The following NCOA1 variants were observed in gnomAD, a reference collection of about 807,000 sequenced individuals.
NCOA1 encodes nuclear receptor coactivator 1.
NCOA1 carries 35 observed loss-of-function variants against 150.9 expected under a neutral mutation model. The ratio of observed to expected loss-of-function variants is 0.23; its 90% CI spans 0.18 to 0.31. NCOA1 has a LOEUF of 0.31. Ranked by LOEUF, NCOA1 falls within the 10% of genes least tolerant of loss-of-function variation. The pLI is 1.00. For missense variants in NCOA1, 1,491 were observed against 1,749.3 expected (o/e 0.85, Z 2.63); for synonymous variants, 590 against 630.0 (o/e 0.94, Z 0.95).
intron 4 of NCOA1, among the ~76,000 whole-genome samples, chr2:24,654,582 T>C (rs1191021130): frequency 1.3e-5 from 2 of 152,164 alleles, no homozygotes; most frequent in Admixed American, 6.6e-5. Flanking sequence ...ATGAGAAAGA[T>C]TGTACTTACT....
At chr2:24,537,209 T>C (rs987680554) in intron 1 of NCOA1, among the ~76,000 whole-genome samples, 5 of 150,570 alleles carry the variant, frequency 3.3e-5, no homozygotes, top group African/African-American at 9.8e-5. Context: ...TGTCCACTTA[T>C]GGACAAATCA....
Position 24,705,142 on chromosome 2 carries a change from A to G in NCOA1, c.1006A>G (p.Thr336Ala), listed in dbSNP as rs750617175. The part of the protein sequence containing the change: ...PSYRFILNDG[T>A]MLSAHTKCKL... Reference sequence around the variant, plus strand: ...CTATAGATTCATATTGAATGATGGGACAATGCTTAGCGCCCACACCAAGTG... The same window carrying G: ...CTATAGATTCATATTGAATGATGGGGCAATGCTTAGCGCCCACACCAAGTG... Residue 336 changes from threonine to alanine, a missense_variant, in exon 12 of 23, where the codon ACA becomes GCA. By Grantham distance (58) the Thr-to-Ala change is moderately conservative. Transcript: ENST00000348332. 1 of 1,614,148 alleles carries G rather than the reference A, an allele frequency of 6.2e-7. No individual in the cohort carries two copies. Among genetic ancestry groups the G allele is most frequent in the Admixed American group, 1.7e-5 (1 of 60,024 alleles).
At chr2:24,533,548 G>C (rs1664989621) in intron 1 of NCOA1, among the ~76,000 whole-genome samples, 3 of 152,168 alleles carry the variant, frequency 2.0e-5, no homozygotes, top group Admixed American at 6.5e-5. Flanking sequence ...AATGCTTCCA[G>C]TTTTTGCCCA....
At position 24,665,922 on chromosome 2, in the gene NCOA1, A is replaced by C; in HGVS notation, c.256+7A>C. ...ATGAAGAGAATGGAACAAGGTAAAAAAGAAAAAGAAAACCCATGGCTGTGT... is the reference window on the plus strand; with the variant it reads ...ATGAAGAGAATGGAACAAGGTAAAACAGAAAAAGAAAACCCATGGCTGTGT... On this transcript the variant is annotated splice_region_variant and intron_variant, in intron 6 of 22. Coordinates refer to ENST00000348332, the MANE Select transcript of NCOA1 (RefSeq NM_003743.5). 1 of 1,424,974 alleles carries C rather than the reference A, an allele frequency of 7.0e-7. No individual in the cohort carries two copies. The highest frequency in any genetic ancestry group is 9.2e-7 in the Non-Finnish European group (1 of 1,082,448). The allele number at this position is 1,424,974 out of a possible 1,614,324, so 88.3% of individuals were successfully genotyped here. A position where few individuals can be genotyped will look rare whatever the true frequency, so the allele number is the denominator to read the frequency against.
intron 12 of NCOA1, 27 bp from the exon 13 acceptor site, chr2:24,706,541 T>C (rs1385408994): frequency 6.5e-7 from 1 of 1,547,964 alleles, no homozygotes; most frequent in Non-Finnish European, 8.7e-7. Context: ...TGAAGATGTT[T>C]GAATAATAAT....
chr2:24,525,736 A>G (rs1449445637), intron 1 of NCOA1, among the ~76,000 whole-genome samples: 2 of 151,770 alleles, frequency 1.3e-5, no homozygotes, highest in Non-Finnish European at 2.9e-5. Flanking sequence ...TTTAGTAGAG[A>G]TGGGGTTTTG....
chr2:24,652,675 T>C (rs1670761466), intron 4 of NCOA1, among the ~76,000 whole-genome samples: 1 of 152,116 alleles, frequency 6.6e-6, no homozygotes, highest in African/African-American at 2.4e-5. Context: ...GTCTGGTACA[T>C]TTGAACAGAG....
chr2:24,639,166 T>G (rs529120321), intron 3 of NCOA1, among the ~76,000 whole-genome samples: 1 of 152,256 alleles, frequency 6.6e-6, no homozygotes, highest in Non-Finnish European at 1.5e-5. Context: ...ATTACTTCCT[T>G]AAATGTTGGA....
At chr2:24,535,568 G>A (rs1301300217) in intron 1 of NCOA1, among the ~76,000 whole-genome samples, 1 of 152,202 alleles carries the variant, frequency 6.6e-6, no homozygotes, top group East Asian at 1.9e-4. Flanking sequence ...AATTTGGCAT[G>A]TTTTTGCAGT....
chr2:24,494,585 A>C (rs574653971), intron 1 of NCOA1, among the ~76,000 whole-genome samples: 5 of 152,186 alleles, frequency 3.3e-5, no homozygotes, highest in Non-Finnish European at 7.3e-5. Flanking sequence ...TTTGCCTTTT[A>C]AATATGATTA....
chr2:24,763,585 C>T (rs1412057775), intron 22 of NCOA1, among the ~76,000 whole-genome samples: 4 of 140,390 alleles, frequency 2.8e-5, no homozygotes, highest in Non-Finnish European at 6.2e-5. Flanking sequence ...AATTCACTTT[C>T]GTAACTTTGG....
At chr2:24,573,090 G>T (rs1666806869) in intron 2 of NCOA1, among the ~76,000 whole-genome samples, 4 of 152,072 alleles carry the variant, frequency 2.6e-5, no homozygotes, top group Admixed American at 2.0e-4. Flanking sequence ...CAGTTACTTG[G>T]TGAAGGTATT....
At chr2:24,683,733 T>A (rs561037406) in intron 8 of NCOA1, among the ~76,000 whole-genome samples, 1 of 152,340 alleles carries the variant, frequency 6.6e-6, no homozygotes, top group East Asian at 1.9e-4. Flanking sequence ...AGCCTTTGTT[T>A]ACTTCTTGAA....
chr2:24,653,593 G>A (rs1055426524), intron 4 of NCOA1, among the ~76,000 whole-genome samples: 1 of 152,052 alleles, frequency 6.6e-6, no homozygotes, highest in Non-Finnish European at 1.5e-5. Context: ...TATTGTGTTA[G>A]ATATTGGATA....
chr2:24,680,881 C>T (rs1672131426), intron 7 of NCOA1, among the ~76,000 whole-genome samples: 1 of 152,024 alleles, frequency 6.6e-6, no homozygotes, highest in Non-Finnish European at 1.5e-5. Context: ...CTGAAAAATG[C>T]ACCTCTCAAA....
At chr2:24,746,809 A>G (rs1201340104) in intron 19 of NCOA1, among the ~76,000 whole-genome samples, 2 of 152,178 alleles carry the variant, frequency 1.3e-5, no homozygotes, top group African/African-American at 4.8e-5. Context: ...ATTTGTCCAA[A>G]TCCATAGATT....
chr2:24,648,133 A>G (rs1243149320), intron 4 of NCOA1, among the ~76,000 whole-genome samples: 1 of 150,346 alleles, frequency 6.7e-6, no homozygotes, highest in Non-Finnish European at 1.5e-5. Flanking sequence ...AATGCTTGGG[A>G]TTTTTTTTTT....
chr2:24,535,024 G>A (rs1665066263), intron 1 of NCOA1, among the ~76,000 whole-genome samples: 1 of 152,118 alleles, frequency 6.6e-6, no homozygotes, highest in African/African-American at 2.4e-5. Context: ...CTGTCTTATT[G>A]ATCTGTCTAA....
intron 8 of NCOA1, among the ~76,000 whole-genome samples, chr2:24,684,044 A>G (rs966905125): frequency 2.0e-5 from 3 of 152,158 alleles, no homozygotes; most frequent in Non-Finnish European, 2.9e-5. Context: ...TGAGTTGGAG[A>G]GTTAAGACTC....
Sources: allele counts gnomAD v4.1 joint callset (sites outside exome capture counted in the v4.1 genomes callset), GRCh38; gene constraint gnomAD v4.1.1; transcripts MANE v1.5; gene names NCBI Gene and HGNC (gene_info 2026-07-23, HGNC 2026-07-21).